ECE1: variants seen among roughly 807,000 people sequenced by gnomAD.
ECE1 encodes the protein endothelin-converting enzyme 1.
Under a neutral mutation model 98.6 loss-of-function variants are expected in ECE1, and 35 were observed. The ratio of observed to expected loss-of-function variants is 0.35; its 90% CI spans 0.27 to 0.47. The LOEUF (loss-of-function observed/expected upper bound fraction) is 0.47. Among genes scored for constraint, ECE1 ranks in the 20% least tolerant of loss-of-function variants. The pLI is 1.00. For missense variants in ECE1, 814 were observed against 1,025.3 expected (o/e 0.79, Z 2.81); for synonymous variants, 394 against 407.1 (o/e 0.97, Z 0.39).
rs1313338471 is a variant in ECE1, at chr1:21,335,154, G to A, written c.3+10222C>T. 4.6e-5 allele frequency among the ~76,000 whole-genome samples: 7 copies of A among 152,002 alleles called. No individual in the cohort carries two copies. In the South Asian group the frequency reaches 1.0e-3, roughly 23 times the overall value. On this transcript the variant is annotated intron_variant, in intron 1 of 18. Transcript: ENST00000415912. ...TGCCAAACTTGCTGTTCCGGCAGCCGGGAACTCTCATCTCCCCCGCCCCCG... is the reference window on the plus strand; with the variant it reads ...TGCCAAACTTGCTGTTCCGGCAGCCAGGAACTCTCATCTCCCCCGCCCCCG...
Position 21,220,779 on chromosome 1 carries a change from G to A in ECE1, c.2137-648C>T, listed in dbSNP as rs28368051. On this transcript the variant is annotated intron_variant, in intron 18 of 18. Transcript: ENST00000374893. The surrounding 1 kb of genome is among the most constrained non-coding windows in gnomAD (Gnocchi z 5.0). ...CCATTGCACTCCAGGCCGGGTGACT[G>A]AGGGAGACTCCGGCTCCAAAAAAAC... Among the ~76,000 whole-genome samples, 1,023 of 152,222 alleles carry A rather than the reference G, an allele frequency of 6.7e-3. 12 individuals are homozygous for A. Among genetic ancestry groups the A allele is most frequent in the African/African-American group, 0.023 (976 of 41,542 alleles).
chr1:21,244,955 G>A, intron 10 of ECE1, 34 bp downstream of exon 10: 1 of 1,592,334 alleles, frequency 6.3e-7, no homozygotes, highest in Non-Finnish European at 8.6e-7. Flanking sequence ...TAGGCGCTCA[G>A]CCCATATTCA....
At chr1:21,253,558 C>A (rs372479590) in intron 8 of ECE1, among the ~76,000 whole-genome samples, 74 of 149,220 alleles carry the variant, frequency 5.0e-4, no homozygotes, top group African/African-American at 1.8e-3. Flanking sequence ...GACAGGAGAT[C>A]GAGACCATCC....
chr1:21,230,666 G>A (rs777103110), intron 14 of ECE1, among the ~76,000 whole-genome samples: 83 of 151,906 alleles, frequency 5.5e-4, no homozygotes, highest in African/African-American at 4.6e-4. Context: ...GATTACAGGC[G>A]TGAGCCACCA....
rs2098265421 is a variant in ECE1 at position 21,290,380 on chromosome 1, A to C, written c.35T>G (p.Leu12Arg). 8.2e-7 allele frequency: 1 copy of C among 1,214,788 alleles called. No homozygotes were observed. The highest frequency in any genetic ancestry group is 3.4e-5 in the East Asian group (1 of 29,670). 75.3% of individuals were successfully genotyped at this position (1,214,788 alleles called of 1,614,324 possible). ...CCGCCTCACCCCCAGCGCCGACAGC[A>C]GGGCGGACACCGGGGGCGGCCACAC... is the stretch of plus-strand genomic sequence containing the variant. ...RGVWPPPVSA[L>R]LSALGMSTYK... The change falls in exon 1 of 19, where the codon CTG becomes CGG. Residue 12 changes from leucine to arginine, a missense_variant. Physicochemically the swap from Leu to Arg is moderately radical, Grantham distance 102. Coordinates refer to ENST00000374893, the MANE Select transcript of ECE1 (RefSeq NM_001397.3). This position sits in a 1 kb window ranked among gnomAD's most constrained non-coding sequence, Gnocchi z 7.3.
chr1:21,325,608 C>T (rs1038489596), intron 1 of ECE1, among the ~76,000 whole-genome samples: 2 of 152,214 alleles, frequency 1.3e-5, no homozygotes, highest in Non-Finnish European at 2.9e-5. Context: ...TGGCCTTGGC[C>T]GAGTCACCTC....
intron 1 of ECE1, among the ~76,000 whole-genome samples, chr1:21,343,791 G>A (rs1364934847): frequency 6.6e-6 from 1 of 152,214 alleles, no homozygotes; most frequent in Non-Finnish European, 1.5e-5. Flanking sequence ...TGTCACCAAG[G>A]CAAAGTGAGG....
At chr1:21,262,675 C>T (rs1260891184) in intron 4 of ECE1, among the ~76,000 whole-genome samples, 3 of 152,200 alleles carry the variant, frequency 2.0e-5, no homozygotes, top group African/African-American at 4.8e-5. Flanking sequence ...CTAATCACAG[C>T]GAGTTCCGAG....
intron 1 of ECE1, among the ~76,000 whole-genome samples, chr1:21,301,801 G>C (rs977291136): frequency 1.4e-5 from 2 of 142,196 alleles, no homozygotes; most frequent in Non-Finnish European, 3.0e-5. Flanking sequence ...ACTTCAGCCT[G>C]GGTGACAGAG....
intron 1 of ECE1, among the ~76,000 whole-genome samples, chr1:21,313,296 T>G (rs1638766647): frequency 6.6e-6 from 1 of 152,156 alleles, no homozygotes; most frequent in South Asian, 2.1e-4. Context: ...CACCCCAGGC[T>G]CAGCTTCCCA....
At chr1:21,256,652 A>ATT (rs2098220372) in intron 7 of ECE1, 1 of 152,638 alleles carries the variant, frequency 6.6e-6, no homozygotes, top group Non-Finnish European at 1.5e-5. Flanking sequence ...CTCCAGGAGA[A>ATT]AGCCCAAAGT....
intron 4 of ECE1, among the ~76,000 whole-genome samples, chr1:21,266,292 GA>G (rs2098233831): frequency 6.6e-6 from 1 of 152,074 alleles, no homozygotes; most frequent in Admixed American, 6.6e-5. Context: ...GATGCAGTGG[GA>G]CCATCTGGCC....
At chr1:21,232,231 G>A (rs1300519896) in intron 14 of ECE1, among the ~76,000 whole-genome samples, 1 of 152,120 alleles carries the variant, frequency 6.6e-6, no homozygotes, top group African/African-American at 2.4e-5. Flanking sequence ...GGAATGGAAG[G>A]ACCTTGGACT....
At chr1:21,231,214 A>G (rs2098181335) in intron 14 of ECE1, among the ~76,000 whole-genome samples, 1 of 152,206 alleles carries the variant, frequency 6.6e-6, no homozygotes, top group African/African-American at 2.4e-5. Flanking sequence ...TGGCATTTCA[A>G]TGACTTCTCT....
chr1:21,260,237 C>G lies in ECE1; in HGVS notation c.615+34G>C. ...CAGGGGGCGGGCAGGTGGCATGGGCCGGGGCTTGGGGAGGGAGAGCCCGAG... is the reference window on the plus strand; with the variant it reads ...CAGGGGGCGGGCAGGTGGCATGGGCGGGGGCTTGGGGAGGGAGAGCCCGAG... On this transcript the variant is annotated intron_variant, in intron 5 of 18. Transcript: ENST00000374893. The surrounding 1 kb of genome is among the most constrained non-coding windows in gnomAD (Gnocchi z 4.3). 1 of 1,612,498 alleles carries G rather than the reference C, an allele frequency of 6.2e-7. No homozygotes were observed. Among genetic ancestry groups the G allele is most frequent in the Non-Finnish European group, 8.5e-7 (1 of 1,179,170 alleles).
chr1:21,314,259 G>A (rs771497516), intron 1 of ECE1, among the ~76,000 whole-genome samples: 40 of 152,192 alleles, frequency 2.6e-4, no homozygotes, highest in Non-Finnish European at 4.7e-4. Flanking sequence ...GCAGAATGGC[G>A]TGGGAGTTCT....
At chr1:21,297,538 T>C (rs1248007952) in intron 1 of ECE1, among the ~76,000 whole-genome samples, 1 of 149,144 alleles carries the variant, frequency 6.7e-6, no homozygotes, top group African/African-American at 2.4e-5. Context: ...TTCTTTTTTT[T>C]TTTTTTTTTT....
At position 21,258,866 on chromosome 1, in the gene ECE1, G is replaced by A. The variant is rs1173202602; in HGVS notation, c.616-27C>T. The A allele has an allele frequency of 1.2e-6, 2 of 1,613,636 alleles. No homozygotes were observed. Among genetic ancestry groups the A allele is most frequent in the African/African-American group, 1.3e-5 (1 of 74,920 alleles). ...TGTGGGGAGGGAGAGCAGGCAGGGAGGTGATGAGGTGGCGGGGAGACCCAG... is the reference window on the plus strand; with the variant it reads ...TGTGGGGAGGGAGAGCAGGCAGGGAAGTGATGAGGTGGCGGGGAGACCCAG... On this transcript the variant is annotated intron_variant, in intron 5 of 18. Transcript: ENST00000374893. This position sits in a 1 kb window ranked among gnomAD's most constrained non-coding sequence, Gnocchi z 4.2.
intron 10 of ECE1, among the ~76,000 whole-genome samples, chr1:21,242,384 A>G (rs745545176): frequency 6.6e-6 from 1 of 152,148 alleles, no homozygotes; most frequent in South Asian, 2.1e-4. Context: ...GCCATTCACA[A>G]AAGTCCTGTG....
Sources: allele counts gnomAD v4.1 joint callset (sites outside exome capture counted in the v4.1 genomes callset), GRCh38; gene constraint gnomAD v4.1.1; non-coding constraint Gnocchi (gnomAD v3.1); transcripts MANE v1.5; gene names NCBI Gene and HGNC (gene_info 2026-07-23, HGNC 2026-07-21).